The following CYRIA variants were observed in gnomAD, a reference collection of about 807,000 sequenced individuals.
The protein encoded by CYRIA is CYFIP related Rac1 interactor A.
CYRIA carries 15 observed loss-of-function variants against 43.9 expected under a neutral mutation model. That is an observed-to-expected ratio of 0.34 (90% confidence interval 0.23 to 0.53). The LOEUF is 0.53. CYRIA is among the 20% of genes least tolerant of loss of function. The pLI, the probability that CYRIA is intolerant of heterozygous loss-of-function variation, is 0.94. For synonymous variants in CYRIA, 117 were observed against 136.0 expected, an observed-to-expected ratio of 0.86 and a Z score of 0.97; for missense variants, 236 against 394.2, an observed-to-expected ratio of 0.60 and a Z score of 3.40.
intron 2 of CYRIA, among the ~76,000 whole-genome samples, chr2:16,600,034 G>A (rs950621109): frequency 2.0e-5 from 3 of 152,208 alleles, no homozygotes; most frequent in Non-Finnish European, 4.4e-5. Flanking sequence ...GGGATTACAG[G>A]CGTGAGCCAT....
At chr2:16,665,364 C>A (rs1386236778) in intron 1 of CYRIA, among the ~76,000 whole-genome samples, 1 of 151,816 alleles carries the variant, frequency 6.6e-6, no homozygotes, top group Non-Finnish European at 1.5e-5. Flanking sequence ...GGCCATCCCT[C>A]CCTTTGGGGC....
intron 3 of CYRIA, among the ~76,000 whole-genome samples, chr2:16,573,368 C>G (rs1418803671): frequency 6.6e-6 from 1 of 152,226 alleles, no homozygotes; most frequent in African/African-American, 2.4e-5. Context: ...TTGGCACTAA[C>G]AGACTGACTT....
chr2:16,634,958 C>T (rs1669449036), intron 1 of CYRIA, among the ~76,000 whole-genome samples: 1 of 152,216 alleles, frequency 6.6e-6, no homozygotes, highest in South Asian at 2.1e-4. Flanking sequence ...TGAATGGATC[C>T]ATAAGATGGA....
chr2:16,591,530 G>T (rs2103464651), intron 2 of CYRIA, among the ~76,000 whole-genome samples: 1 of 152,296 alleles, frequency 6.6e-6, no homozygotes, highest in Middle Eastern at 3.4e-3. Context: ...AGGATGAGCT[G>T]AGTCTCAGAG....
At chr2:16,578,389 C>T (rs1667427716) in intron 3 of CYRIA, among the ~76,000 whole-genome samples, 1 of 152,000 alleles carries the variant, frequency 6.6e-6, no homozygotes, top group Admixed American at 6.5e-5. Flanking sequence ...GAAAATATCA[C>T]CAGAAAAGTA....
At chr2:16,659,148 C>T (rs1293323932) in intron 1 of CYRIA, among the ~76,000 whole-genome samples, 1 of 152,206 alleles carries the variant, frequency 6.6e-6, no homozygotes, top group Non-Finnish European at 1.5e-5. Context: ...ATGGAGGCTC[C>T]TCTGGCTAGC....
At chr2:16,592,182 T>A (rs1261407336) in intron 2 of CYRIA, among the ~76,000 whole-genome samples, 1 of 152,108 alleles carries the variant, frequency 6.6e-6, no homozygotes, top group Non-Finnish European at 1.5e-5. Context: ...GATTTTTGTA[T>A]CTGGAAGGTT....
chr2:16,578,445 CA>C (rs1216197421), intron 3 of CYRIA, among the ~76,000 whole-genome samples: 1 of 152,146 alleles, frequency 6.6e-6, no homozygotes, highest in Non-Finnish European at 1.5e-5. Context: ...TTGAAATGTA[CA>C]GACGAGGATC....
chr2:16,588,414 A>T (rs1037524650), intron 2 of CYRIA, among the ~76,000 whole-genome samples: 1 of 150,878 alleles, frequency 6.6e-6, no homozygotes, highest in Non-Finnish European at 1.5e-5. Flanking sequence ...TGCAGTCCAT[A>T]TCTCGTTCAC....
chr2:16,557,543 TAA>T (rs35620535), intron 10 of CYRIA, among the ~76,000 whole-genome samples: 1 of 150,398 alleles, frequency 6.6e-6, no homozygotes, highest in African/African-American at 2.4e-5. Flanking sequence ...CTATATGTCG[TAA>T]AAAAAAAATG....
chr2:16,642,931 C>T (rs1390044863), intron 1 of CYRIA, among the ~76,000 whole-genome samples: 3 of 151,682 alleles, frequency 2.0e-5, no homozygotes, highest in Admixed American at 1.3e-4. Flanking sequence ...TTCCCATTGA[C>T]CTTTTGACCT....
chr2:16,580,986 TA>T (rs1335605301), intron 3 of CYRIA, among the ~76,000 whole-genome samples: 2 of 152,190 alleles, frequency 1.3e-5, no homozygotes, highest in African/African-American at 4.8e-5. Context: ...ATGTAAAGCT[TA>T]AAACAATACA....
At chr2:16,640,692 G>A (rs930398742) in intron 1 of CYRIA, among the ~76,000 whole-genome samples, 1 of 152,190 alleles carries the variant, frequency 6.6e-6, no homozygotes, top group Non-Finnish European at 1.5e-5. Context: ...AGGTGCAACA[G>A]AAGATCAGAG....
At chr2:16,642,991 GTTATTA>G (rs772612932) in intron 1 of CYRIA, among the ~76,000 whole-genome samples, 1 of 149,020 alleles carries the variant, frequency 6.7e-6, no homozygotes, top group East Asian at 1.9e-4. Context: ...TTACCTTAAA[GTTATTA>G]TTATTATTTA....
At chr2:16,610,399 A>ATGGCC (rs1205113565) in intron 2 of CYRIA, among the ~76,000 whole-genome samples, 10 of 152,256 alleles carry the variant, frequency 6.6e-5, no homozygotes, top group Non-Finnish European at 1.5e-4. Flanking sequence ...GGCTTAAGAC[A>ATGGCC]TGGCCTGTGG....
intron 3 of CYRIA, among the ~76,000 whole-genome samples, chr2:16,584,890 TC>T (rs1381045515): frequency 6.6e-6 from 1 of 152,192 alleles, no homozygotes; most frequent in Non-Finnish European, 1.5e-5. Context: ...GCCTTCTGTT[TC>T]CCAAAACTAG....
At chr2:16,599,946 G>T (rs1355642505) in intron 2 of CYRIA, among the ~76,000 whole-genome samples, 1 of 152,034 alleles carries the variant, frequency 6.6e-6, no homozygotes, top group Non-Finnish European at 1.5e-5. Context: ...GAGTAGAGAC[G>T]GGTTTCACCA....
intron 5 of CYRIA, among the ~76,000 whole-genome samples, 155 bp from the exon 6 acceptor site, chr2:16,562,296 G>A (rs1284610960): frequency 6.6e-6 from 1 of 152,170 alleles, no homozygotes; most frequent in Non-Finnish European, 1.5e-5. Context: ...ACGAGGAAGA[G>A]AAGGAATCCC....
At chr2:16,583,811 C>CAAAGATGTT (rs1178218774) in intron 3 of CYRIA, among the ~76,000 whole-genome samples, 1 of 152,136 alleles carries the variant, frequency 6.6e-6, no homozygotes, top group African/African-American at 2.4e-5. Flanking sequence ...AAAACAACAA[C>CAAAGATGTT]AAAGATGTTA....
Sources: allele counts gnomAD v4.1 joint callset (sites outside exome capture counted in the v4.1 genomes callset), GRCh38; gene constraint gnomAD v4.1.1; transcripts MANE v1.5; gene names NCBI Gene and HGNC (gene_info 2026-07-23, HGNC 2026-07-21).